SLC4A10: variants seen among roughly 807,000 people sequenced by gnomAD.
The protein encoded by SLC4A10 is solute carrier family 4 member 10.
SLC4A10 carries 42 observed loss-of-function variants against 137.7 expected under a neutral mutation model. The ratio of observed to expected loss-of-function variants is 0.30; its 90% CI spans 0.24 to 0.39. The LOEUF (loss-of-function observed/expected upper bound fraction) is 0.39, where lower values mean the gene tolerates loss of function less well. SLC4A10 is among the 10% of genes least tolerant of loss of function. SLC4A10 has a pLI of 1.00. For missense variants in SLC4A10, 925 were observed against 1,355.0 expected (o/e 0.68, Z 4.98); for synonymous variants, 474 against 464.1 (o/e 1.02, Z -0.27).
At chr2:161,920,454 T>C (rs1278240545) in intron 15 of SLC4A10, among the ~76,000 whole-genome samples, 1 of 152,198 alleles carries the variant, frequency 6.6e-6, no homozygotes, top group Non-Finnish European at 1.5e-5. Flanking sequence ...TCTGGAAGTA[T>C]TGTATTAATA....
At chr2:161,709,622 A>C (rs954200024) in intron 1 of SLC4A10, 1 of 151,546 alleles carries the variant, frequency 6.6e-6, no homozygotes, top group Admixed American at 6.6e-5. Flanking sequence ...TTCATTTTCA[A>C]ACTGAAAATA....
chr2:161,805,326 G>C (rs970110860), intron 3 of SLC4A10, among the ~76,000 whole-genome samples: 1 of 152,056 alleles, frequency 6.6e-6, no homozygotes, highest in Admixed American at 6.6e-5. Flanking sequence ...AAACCATATC[G>C]TTCCACCCTT....
intron 3 of SLC4A10, among the ~76,000 whole-genome samples, chr2:161,813,040 G>A (rs80244197): frequency 0.019 from 2,959 of 151,842 alleles, 64 homozygotes; most frequent in African/African-American, 0.056. Context: ...GTCCTTTCCT[G>A]AATACTTTTT....
intron 1 of SLC4A10, among the ~76,000 whole-genome samples, chr2:161,653,994 A>G (rs928247030): frequency 2.0e-5 from 3 of 152,144 alleles, no homozygotes; most frequent in Non-Finnish European, 1.5e-5. Flanking sequence ...ACTATTTTGC[A>G]TTCTTACTAA....
rs745423221 is a variant in SLC4A10, at chr2:161,904,764, A to G, written c.1618-12A>G. On this transcript the variant is annotated splice_polypyrimidine_tract_variant and intron_variant, in intron 13 of 26. Coordinates refer to ENST00000446997, the MANE Select transcript of SLC4A10 (RefSeq NM_001178015.2). The stretch of plus-strand genomic sequence containing the variant: ...CAGCTTAGGTAATTGAACCATTTAT[A>G]TCTCTACACAGAGTGCAATTGAATC... The G allele has an allele frequency of 7.4e-6, 12 of 1,613,314 alleles. No individual in the cohort carries two copies. The highest frequency in any genetic ancestry group is 1.0e-5 in the Non-Finnish European group (12 of 1,179,586).
chr2:161,856,682 A>G (rs771201338), intron 5 of SLC4A10, among the ~76,000 whole-genome samples: 22 of 152,096 alleles, frequency 1.4e-4, no homozygotes, highest in Non-Finnish European at 3.1e-4. Context: ...GCTAATACCC[A>G]ATAAACATTT....
chr2:161,625,519 A>T (rs2032154942), intron 1 of SLC4A10, among the ~76,000 whole-genome samples: 1 of 152,106 alleles, frequency 6.6e-6, no homozygotes, highest in Admixed American at 6.6e-5. Flanking sequence ...GCACCAAACC[A>T]GACGGAGGGG....
intron 15 of SLC4A10, among the ~76,000 whole-genome samples, chr2:161,930,511 G>T (rs1033058384): frequency 6.6e-6 from 1 of 150,434 alleles, no homozygotes; most frequent in African/African-American, 2.4e-5. Context: ...CTGTCCAGTT[G>T]TTATAATTAT....
At chr2:161,723,528 G>A (rs977883622) in intron 1 of SLC4A10, among the ~76,000 whole-genome samples, 2 of 152,148 alleles carry the variant, frequency 1.3e-5, no homozygotes, top group Non-Finnish European at 2.9e-5. Context: ...TCCTGGCATA[G>A]CTTCTCAATA....
chr2:161,894,859 AT>A (rs563366944), intron 11 of SLC4A10, 34 bp downstream of exon 11: 636 of 1,289,314 alleles, frequency 4.9e-4, no homozygotes, highest in Non-Finnish European at 5.2e-4. Context: ...TTGAAATTGA[AT>A]TTTTTTTTGT....
intron 1 of SLC4A10, among the ~76,000 whole-genome samples, chr2:161,733,206 T>C (rs2046988336): frequency 6.6e-6 from 1 of 152,150 alleles, no homozygotes; most frequent in Non-Finnish European, 1.5e-5. Flanking sequence ...CAGAGGTCTT[T>C]ATGGTAGCCA....
intron 26 of SLC4A10, among the ~76,000 whole-genome samples, chr2:161,979,764 G>A (rs1260690123): frequency 6.6e-6 from 1 of 152,188 alleles, no homozygotes; most frequent in Non-Finnish European, 1.5e-5. Context: ...GGTTACTAAG[G>A]TCTGAGTCCT....
chr2:161,731,614 A>G (rs1220589761), intron 1 of SLC4A10, among the ~76,000 whole-genome samples: 1 of 152,150 alleles, frequency 6.6e-6, no homozygotes, highest in Non-Finnish European at 1.5e-5. Flanking sequence ...ATTTAAACTA[A>G]AATTAGTTTA....
chr2:161,690,556 A>G (rs905851529), intron 1 of SLC4A10, among the ~76,000 whole-genome samples: 2 of 152,206 alleles, frequency 1.3e-5, no homozygotes, highest in East Asian at 3.8e-4. Flanking sequence ...ATGCCCATCA[A>G]TAATAGACTG....
intron 1 of SLC4A10, among the ~76,000 whole-genome samples, chr2:161,729,471 A>C (rs990970844): frequency 1.3e-5 from 2 of 152,178 alleles, no homozygotes; most frequent in Non-Finnish European, 2.9e-5. Flanking sequence ...TGATTATAGG[A>C]ATCTATACAT....
At chr2:161,774,841 C>T (rs1261862907) in intron 2 of SLC4A10, among the ~76,000 whole-genome samples, 2 of 151,908 alleles carry the variant, frequency 1.3e-5, no homozygotes, top group African/African-American at 2.4e-5. Flanking sequence ...TTATCTTCAA[C>T]AGACTCCCTC....
chr2:161,982,723 AG>A (rs1283115487), intron 26 of SLC4A10, among the ~76,000 whole-genome samples: 1 of 152,148 alleles, frequency 6.6e-6, no homozygotes, highest in Non-Finnish European at 1.5e-5. Context: ...TCTTCATCAA[AG>A]GTCAGGATCC....
intron 4 of SLC4A10, among the ~76,000 whole-genome samples, chr2:161,849,845 T>A (rs572854938): frequency 6.6e-6 from 1 of 152,164 alleles, no homozygotes; most frequent in Admixed American, 6.5e-5. Context: ...TTATCAGGGG[T>A]ATTGGTCTGA....
At chr2:161,684,304 G>C (rs1461904502) in intron 1 of SLC4A10, among the ~76,000 whole-genome samples, 2 of 152,032 alleles carry the variant, frequency 1.3e-5, no homozygotes, top group Non-Finnish European at 2.9e-5. Context: ...AGAAATTTGG[G>C]TTGTTTCTAT....
Sources: allele counts gnomAD v4.1 joint callset (sites outside exome capture counted in the v4.1 genomes callset), GRCh38; gene constraint gnomAD v4.1.1; transcripts MANE v1.5; gene names NCBI Gene and HGNC (gene_info 2026-07-23, HGNC 2026-07-21).